Variants in SLC37A2 observed in about 807,000 individuals in gnomAD.
The protein encoded by SLC37A2 is solute carrier family 37 member 2, also known as glucose-6-phosphate exchanger SLC37A2.
Under a neutral mutation model 70.7 loss-of-function variants are expected in SLC37A2, and 59 were observed. That is an observed-to-expected ratio of 0.83 (90% CI 0.68 to 1.04). The LOEUF (loss-of-function observed/expected upper bound fraction) is 1.04. Among genes scored for constraint, SLC37A2 ranks in the 50% least tolerant of loss-of-function variants. The pLI, the probability that SLC37A2 is intolerant of heterozygous loss-of-function variation, is 0.00. For synonymous variants in SLC37A2, 257 were observed against 262.1 expected, an observed-to-expected ratio of 0.98 and a Z score of 0.19; for missense variants, 580 against 658.1, an observed-to-expected ratio of 0.88 and a Z score of 1.30.
At chr11:125,079,340 T>A (rs1423523168) in intron 5 of SLC37A2, 93 bp downstream of exon 5, 4 of 1,501,126 alleles carry the variant, frequency 2.7e-6, no homozygotes, top group Non-Finnish European at 3.7e-6. Flanking sequence ...CCTGTGTTCC[T>A]GGCTCCCTGT....
At chr11:125,085,547 C>T (rs373155680) in intron 15 of SLC37A2, 30 bp from the exon 16 acceptor site, 1 of 1,612,998 alleles carries the variant, frequency 6.2e-7, no homozygotes, top group African/African-American at 1.3e-5. Flanking sequence ...AGGTGCAGGA[C>T]CCCTGCTCAC....
At chr11:125,065,202 G>A (rs1481078824) in intron 1 of SLC37A2, among the ~76,000 whole-genome samples, 1 of 152,170 alleles carries the variant, frequency 6.6e-6, no homozygotes. Context: ...GTTTTCCACG[G>A]AAATACATTG....
intron 17 of SLC37A2, chr11:125,086,251 C>CA: frequency 6.2e-7 from 1 of 1,611,464 alleles, no homozygotes; most frequent in Non-Finnish European, 8.5e-7. Flanking sequence ...CCTCAAGTCC[C>CA]ATGACTTTTG....
At position 125,063,499 on chromosome 11, in the gene SLC37A2, C is replaced by G; in HGVS notation, c.59+73C>G. Reference sequence around the variant, plus strand: ...GGCTTGCAGGGGCCGCGGGGGGCCTCGGAGATCACCCCAGATCGGCCCCGG... The same window carrying G: ...GGCTTGCAGGGGCCGCGGGGGGCCTGGGAGATCACCCCAGATCGGCCCCGG... On this transcript the variant is annotated intron_variant, in intron 1 of 17. Transcript: ENST00000403796. This position sits in a 1 kb window ranked among gnomAD's most constrained non-coding sequence, Gnocchi z 5.4. 1 of 1,398,234 alleles carries G rather than the reference C, an allele frequency of 7.2e-7. No individual in the cohort carries two copies. Among genetic ancestry groups the G allele is most frequent in the South Asian group, 1.2e-5 (1 of 81,372 alleles). The allele number at this position is 1,398,234 out of a possible 1,614,324, so 86.6% of individuals were successfully genotyped here.
intron 1 of SLC37A2, among the ~76,000 whole-genome samples, chr11:125,064,015 A>G (rs1948956776): frequency 6.6e-6 from 1 of 152,240 alleles, no homozygotes; most frequent in Middle Eastern, 3.4e-3. Flanking sequence ...TCTCTTCCTG[A>G]CCGCAGGGAC....
At chr11:125,074,581 C>T (rs1280324983) in intron 1 of SLC37A2, among the ~76,000 whole-genome samples, 4 of 53,338 alleles carry the variant, frequency 7.5e-5, no homozygotes, top group East Asian at 5.4e-4. Flanking sequence ...GCAGGGGAGT[C>T]GGGGAGGGCG....
rs1169584597 is a variant in SLC37A2, at chr11:125,063,472, G to C, written c.59+46G>C. 3 of 1,543,684 alleles carry C rather than the reference G, an allele frequency of 1.9e-6. No homozygotes were observed. Among genetic ancestry groups the C allele is most frequent in the Non-Finnish European group, 2.6e-6 (3 of 1,132,772 alleles). ...AGGCGTGCCGGGACCTCCTGGGCTC[G>C]GGGCTTGCAGGGGCCGCGGGGGGCC... is the stretch of plus-strand genomic sequence containing the variant. On this transcript the variant is annotated intron_variant, in intron 1 of 17. Coordinates refer to ENST00000403796, the MANE Select transcript of SLC37A2 (RefSeq NM_001145290.2). This position sits in a 1 kb window ranked among gnomAD's most constrained non-coding sequence, Gnocchi z 5.4.
rs896725055 is a variant in SLC37A2 at position 125,080,049 on chromosome 11, C to T, written c.527+289C>T. 5.9e-5 allele frequency among the ~76,000 whole-genome samples: 9 copies of T among 152,260 alleles called. No homozygotes were observed. Among genetic ancestry groups the T allele is most frequent in the South Asian group, 2.1e-4 (1 of 4,820 alleles). On this transcript the variant is annotated intron_variant, in intron 6 of 17. Transcript: ENST00000403796. This position sits in a 1 kb window ranked among gnomAD's most constrained non-coding sequence, Gnocchi z 4.3. ...AAACTTCCGCCCTGCCCCCCAACCC[C>T]GACCCCGAATTGGCTTGTGTGCAAA...
Position 125,083,806 on chromosome 11 carries a change from T to C in SLC37A2, c.977-9T>C. On this transcript the variant is annotated splice_polypyrimidine_tract_variant and intron_variant, in intron 10 of 17. Coordinates refer to ENST00000403796, the MANE Select transcript of SLC37A2 (RefSeq NM_001145290.2). The surrounding 1 kb of genome is among the most constrained non-coding windows in gnomAD (Gnocchi z 4.6). ...CCCAGGTCTGACCACATACCTGTAT[T>C]TTCCACAGCTCACTTTAGTGCCAAG... 1 of 1,614,006 alleles carries C rather than the reference T, an allele frequency of 6.2e-7. No individual in the cohort carries two copies. Among genetic ancestry groups the C allele is most frequent in the African/African-American group, 1.3e-5 (1 of 75,036 alleles).
chr11:125,064,534 G>A (rs750527127), intron 1 of SLC37A2, among the ~76,000 whole-genome samples: 5 of 152,024 alleles, frequency 3.3e-5, no homozygotes, highest in African/African-American at 4.8e-5. Flanking sequence ...CTCAATCCTG[G>A]GCAAAATGAG....
At chr11:125,085,256 C>T (rs1949195454) in intron 14 of SLC37A2, 117 bp downstream of exon 14, 2 of 1,298,290 alleles carry the variant, frequency 1.5e-6, no homozygotes, top group Non-Finnish European at 2.2e-6. Flanking sequence ...CGTCAAAGTC[C>T]TTCAGAACGC....
At chr11:125,073,433 A>T (rs146577771) in intron 1 of SLC37A2, among the ~76,000 whole-genome samples, 31 of 152,304 alleles carry the variant, frequency 2.0e-4, no homozygotes, top group African/African-American at 4.8e-4. Flanking sequence ...CACTTCCCAG[A>T]AGAGTTTGGT....
At chr11:125,081,533 G>A in intron 8 of SLC37A2, 75 bp downstream of exon 8, 1 of 1,519,862 alleles carries the variant, frequency 6.6e-7, no homozygotes, top group South Asian at 1.3e-5. Context: ...GAGGCCTGGG[G>A]AGCTAGAGCA....
chr11:125,081,753 G>C lies in SLC37A2; in HGVS notation c.733-1G>C. The C allele has an allele frequency of 6.3e-7, 1 of 1,592,406 alleles. No individual in the cohort carries two copies. The highest frequency in any genetic ancestry group is 8.6e-7 in the Non-Finnish European group (1 of 1,168,720). ...CAGCAGGGCTCATCTCCTCTGCTCAGGGTGAGCCAGCTGAGAACCAGGACA... is the reference window on the plus strand; with the variant it reads ...CAGCAGGGCTCATCTCCTCTGCTCACGGTGAGCCAGCTGAGAACCAGGACA... On this transcript the variant is annotated splice_acceptor_variant, in intron 8 of 17. Coordinates refer to ENST00000403796, the MANE Select transcript of SLC37A2 (RefSeq NM_001145290.2). LOFTEE classifies it high-confidence loss of function.
In SLC37A2 at chr11:125,077,500, A is replaced by C. The variant is rs55752830; in HGVS notation, c.286A>C (p.Ile96Leu). The C allele has an allele frequency of 6.2e-7, 1 of 1,613,424 alleles. No homozygotes were observed. Among genetic ancestry groups the C allele is most frequent in the Non-Finnish European group, 8.5e-7 (1 of 1,179,640 alleles). Residue 96 changes from isoleucine to leucine, a missense_variant, in exon 4 of 18, where the codon ATC (isoleucine) becomes CTC (leucine). Transcript: ENST00000403796. ...AGGGGGCGTGGACAACGCCTTCCTC[A>C]TCGCCTATGCCATCGGCATGTTCAT... is the stretch of plus-strand genomic sequence containing the variant. ...LLGGVDNAFL[I>L]AYAIGMFISG...
intron 5 of SLC37A2, among the ~76,000 whole-genome samples, 172 bp from the exon 6 acceptor site, chr11:125,079,512 C>T (rs1949125092): frequency 6.6e-6 from 1 of 152,134 alleles, no homozygotes; most frequent in Non-Finnish European, 1.5e-5. Flanking sequence ...GAAGCCAGCT[C>T]ATGCCATTGA....
rs4936979 is a variant in SLC37A2, at chr11:125,089,762, G to C, written c.*1628G>C. 147,465 of 154,238 alleles carry C rather than the reference G, an allele frequency of 0.96. 70,618 individuals are homozygous for C. Among genetic ancestry groups the C allele is most frequent in the East Asian group, 1 (5,200 of 5,204 alleles). 9.6% of individuals were successfully genotyped at this position (154,238 alleles called of 1,614,324 possible). A position where few individuals can be genotyped will look rare whatever the true frequency, so the allele number is the denominator to read the frequency against. The stretch of plus-strand genomic sequence containing the variant: ...GCAGGGCTCGGGACCTGCAGCCCGC[G>C]GTGCCTGAGCCTCCCACCCGCTCCA... On this transcript the variant is annotated 3_prime_UTR_variant, in exon 18 of 18. Coordinates refer to ENST00000403796, the MANE Select transcript of SLC37A2 (RefSeq NM_001145290.2).
chr11:125,075,579 G>A (rs1021462327), intron 1 of SLC37A2, among the ~76,000 whole-genome samples: 3 of 152,238 alleles, frequency 2.0e-5, no homozygotes, highest in African/African-American at 4.8e-5. Context: ...CTGTGGAGGG[G>A]CAGGAGCAAC....
Position 125,066,887 on chromosome 11 carries a change from G to A in SLC37A2, c.59+3461G>A, listed in dbSNP as rs867845556. Among the ~76,000 whole-genome samples, 9 of 152,284 alleles carry A rather than the reference G, an allele frequency of 5.9e-5. No individual in the cohort carries two copies. In the South Asian group the frequency reaches 6.2e-4, roughly 11 times the overall value. On this transcript the variant is annotated intron_variant, in intron 1 of 17. Coordinates refer to ENST00000403796, the MANE Select transcript of SLC37A2 (RefSeq NM_001145290.2). ...ATAAAACTGCAAAGGAAAGGCTGAT[G>A]TACATCTCCAGTTGAAAACCAGTGG...
Sources: allele counts gnomAD v4.1 joint callset (sites outside exome capture counted in the v4.1 genomes callset), GRCh38; gene constraint gnomAD v4.1.1; non-coding constraint Gnocchi (gnomAD v3.1); transcripts MANE v1.5; gene names NCBI Gene and HGNC (gene_info 2026-07-23, HGNC 2026-07-21).